The following PFKP variants were observed in gnomAD, a reference collection of about 807,000 sequenced individuals.
The protein encoded by PFKP is ATP-dependent 6-phosphofructokinase, platelet type.
A neutral mutation model predicts 94.3 loss-of-function variants in PFKP; 101 were observed. The observed-to-expected ratio is 1.07, with a 90% CI of 0.91 to 1.26. The LOEUF (loss-of-function observed/expected upper bound fraction) is 1.26, where lower values mean the gene tolerates loss of function less well. Ranked by LOEUF, PFKP falls within the 50% of genes most tolerant of loss-of-function variation. The probability of loss-of-function intolerance (pLI) is 0.00; values close to 1 mark genes in which losing one functional copy is unlikely to be tolerated. For missense variants in PFKP, 1,145 were observed against 1,103.3 expected (o/e 1.04, Z -0.53); for synonymous variants, 573 against 432.6 (o/e 1.32, Z -4.03).
chr10:3,095,933 C>T (rs1350846874), intron 2 of PFKP, among the ~76,000 whole-genome samples: 2 of 148,524 alleles, frequency 1.3e-5, no homozygotes, highest in South Asian at 4.4e-4. Context: ...GGAGGTGGCA[C>T]TCAGAAAGCC....
chr10:3,080,737 G>A (rs1416362228), intron 1 of PFKP, among the ~76,000 whole-genome samples: 3 of 152,008 alleles, frequency 2.0e-5, no homozygotes, highest in Admixed American at 1.3e-4. Context: ...TAAATTATTT[G>A]CATAAAAGCA....
intron 15 of PFKP, 130 bp from the exon 16 acceptor site, chr10:3,119,762 G>GTGGTCGTCGTATCATTAAAAA: frequency 1.5e-6 from 1 of 664,016 alleles, no homozygotes; most frequent in Non-Finnish European, 2.6e-6. Context: ...GTTGATCTCG[G>GTGGTCGTCGTATCATTAAAAA]AGTGTTTTCG....
chr10:3,068,155 G>C (rs1253785887), intron 1 of PFKP, among the ~76,000 whole-genome samples: 1 of 152,128 alleles, frequency 6.6e-6, no homozygotes, highest in Non-Finnish European at 1.5e-5. Context: ...GGTACAGCGC[G>C]ATCACTTCCT....
chr10:3,089,500 A>T lies in PFKP; in HGVS notation c.186+7039A>T, dbSNP rs190066189. On this transcript the variant is annotated intron_variant, in intron 2 of 21. Transcript: ENST00000381125. ...GCTGGCTTGTGGGGGAGTTCTATGC[A>T]TGTCATAGTCTCATACAAGCATGCA... Among the ~76,000 whole-genome samples the T allele has an allele frequency of 3.3e-5, 5 of 152,026 alleles. No homozygotes were observed. In the East Asian group the frequency reaches 7.8e-4, roughly 24 times the overall value.
chr10:3,099,139 C>G, intron 2 of PFKP, 136 bp from the exon 3 acceptor site: 1 of 695,632 alleles, frequency 1.4e-6, no homozygotes. Flanking sequence ...AGTGCTGGAA[C>G]TGCCCTGTCT....
At chr10:3,069,437 CTCAG>C in intron 1 of PFKP, 1 of 1,540,006 alleles carries the variant, frequency 6.5e-7, no homozygotes, top group Non-Finnish European at 8.8e-7. Flanking sequence ...AGAGTGGCTT[CTCAG>C]TCAAAGGCCT....
chr10:3,100,858 G>T, intron 3 of PFKP: 1 of 414,002 alleles, frequency 2.4e-6, no homozygotes. Flanking sequence ...GCGAGTATGT[G>T]GTGCAAAAAA....
At chr10:3,102,030 T>A (rs1835048151) in intron 4 of PFKP, among the ~76,000 whole-genome samples, 2 of 151,798 alleles carry the variant, frequency 1.3e-5, no homozygotes, top group African/African-American at 4.8e-5. Flanking sequence ...GGCGGGCGGA[T>A]CACGAGGTCA....
intron 16 of PFKP, among the ~76,000 whole-genome samples, chr10:3,120,421 G>T (rs1837295173): frequency 6.6e-6 from 1 of 151,356 alleles, no homozygotes; most frequent in African/African-American, 2.4e-5. Flanking sequence ...TTTTCTTTGA[G>T]CCTCCAATAC....
intron 14 of PFKP, 138 bp downstream of exon 14, chr10:3,116,984 G>T: frequency 1.4e-6 from 1 of 722,436 alleles, no homozygotes; most frequent in South Asian, 1.6e-5. Context: ...GGCAGTTACC[G>T]GTCCTCCCTC....
rs141861705 is a variant in PFKP, at chr10:3,090,619, G to A, written c.186+8158G>A. On this transcript the variant is annotated intron_variant, in intron 2 of 21. Transcript: ENST00000381125. ...TGGGCTTCTCTCTGAGTGTCAGGGC[G>A]ATGGCATCTGGGGTGGGCAATTCTT... Among the ~76,000 whole-genome samples, 25 of 151,988 alleles carry A rather than the reference G, an allele frequency of 1.6e-4. No individual in the cohort carries two copies. In the East Asian group the frequency reaches 4.1e-3, roughly 25 times the overall value.
intron 3 of PFKP, among the ~76,000 whole-genome samples, chr10:3,099,911 G>A (rs1834816282): frequency 6.6e-6 from 1 of 151,876 alleles, no homozygotes; most frequent in Admixed American, 6.6e-5. Flanking sequence ...AGTCTGGTGT[G>A]TGTCTGTATG....
At chr10:3,125,018 C>T (rs41288723) in intron 16 of PFKP, 45 of 1,100,688 alleles carry the variant, frequency 4.1e-5, no homozygotes, top group Non-Finnish European at 5.0e-5. Flanking sequence ...CCCGTCCCTT[C>T]CTGGACCTCA....
intron 1 of PFKP, among the ~76,000 whole-genome samples, chr10:3,079,487 G>C (rs2131404583): frequency 6.6e-6 from 1 of 152,116 alleles, no homozygotes; most frequent in African/African-American, 2.4e-5. Context: ...GCCCACCTAG[G>C]CCTCCCAAAG....
intron 1 of PFKP, chr10:3,068,576 T>C (rs909273606): frequency 1.4e-6 from 1 of 726,736 alleles, no homozygotes; most frequent in African/African-American, 1.9e-5. Context: ...GAAGCTGCTC[T>C]CTAGGAGGGG....
chr10:3,116,151 T>A (rs1409992881), intron 13 of PFKP, among the ~76,000 whole-genome samples: 1 of 152,170 alleles, frequency 6.6e-6, no homozygotes, highest in Non-Finnish European at 1.5e-5. Context: ...TATATATACA[T>A]ACACACCTTG....
At chr10:3,074,460 C>T (rs1216932819) in intron 1 of PFKP, among the ~76,000 whole-genome samples, 1 of 152,154 alleles carries the variant, frequency 6.6e-6, no homozygotes, top group Non-Finnish European at 1.5e-5. Flanking sequence ...GACTGACTGT[C>T]TCCGATAAGG....
In PFKP at chr10:3,071,727, C is replaced by T. The variant is rs568797332; in HGVS notation, c.112+4020C>T. ...TAGGGTAGGCTGCATGTGAAAGCTGCGTCCTTTTTGCCTGTGGTGAGGTGA... is the reference window on the plus strand; with the variant it reads ...TAGGGTAGGCTGCATGTGAAAGCTGTGTCCTTTTTGCCTGTGGTGAGGTGA... On this transcript the variant is annotated intron_variant, in intron 1 of 21. Coordinates refer to ENST00000381125, the MANE Select transcript of PFKP (RefSeq NM_002627.5). 7.9e-5 allele frequency among the ~76,000 whole-genome samples: 12 copies of T among 152,258 alleles called. 1 individual carries two copies. The South Asian group carries it at 2.5e-3, about 32-fold the overall frequency.
At chr10:3,132,296 G>A (rs1014472926) in intron 17 of PFKP, 84 bp from the exon 18 acceptor site, 38 of 962,584 alleles carry the variant, frequency 3.9e-5, no homozygotes, top group Non-Finnish European at 6.0e-5. Context: ...ACACTTGGTT[G>A]GCACTTCCCA....
Sources: gnomAD v4.1 joint callset for allele counts (sites outside exome capture counted in the v4.1 genomes callset) on GRCh38, gnomAD v4.1.1 for gene constraint, MANE v1.5 for transcripts, NCBI Gene and HGNC (gene_info 2026-07-23, HGNC 2026-07-21) for gene names.